The following PTPRT variants were observed in gnomAD, a reference collection of about 807,000 sequenced individuals.
PTPRT encodes the protein receptor-type tyrosine-protein phosphatase T.
PTPRT carries 56 observed loss-of-function variants against 176.8 expected under a neutral mutation model. The ratio of observed to expected loss-of-function variants is 0.32; its 90% CI spans 0.26 to 0.40. PTPRT has a LOEUF of 0.40. PTPRT is among the 10% of genes least tolerant of loss of function. The pLI is 1.00. For missense variants in PTPRT, 1,540 were observed against 1,908.2 expected (o/e 0.81, Z 3.60); for synonymous variants, 783 against 739.0 (o/e 1.06, Z -0.96).
chr20:43,129,330 G>C (rs1333307623), intron 1 of PTPRT, among the ~76,000 whole-genome samples: 1 of 152,192 alleles, frequency 6.6e-6, no homozygotes. Context: ...ACCAAGCCAC[G>C]AGGACAAGAG....
At chr20:42,466,017 C>T (rs1372226989) in intron 8 of PTPRT, among the ~76,000 whole-genome samples, 4 of 152,162 alleles carry the variant, frequency 2.6e-5, no homozygotes, top group East Asian at 1.9e-4. Context: ...CAAGTGAGAA[C>T]GTGCAGTGTT....
At chr20:42,779,155 C>A (rs1600728013) in intron 4 of PTPRT, among the ~76,000 whole-genome samples, 1 of 152,226 alleles carries the variant, frequency 6.6e-6, no homozygotes, top group South Asian at 2.1e-4. Context: ...ATTTGAGGGT[C>A]TGACAAATTC....
At chr20:43,005,451 C>T (rs547651928) in intron 1 of PTPRT, among the ~76,000 whole-genome samples, 11 of 152,258 alleles carry the variant, frequency 7.2e-5, no homozygotes, top group African/African-American at 2.6e-4. Flanking sequence ...CTTTTCTGTC[C>T]TTCAAGTTTC....
chr20:42,486,553 A>C (rs2071467476), intron 7 of PTPRT, among the ~76,000 whole-genome samples: 1 of 152,170 alleles, frequency 6.6e-6, no homozygotes, highest in Non-Finnish European at 1.5e-5. Context: ...GTAGGGTTTA[A>C]ATAAAATTAT....
intron 15 of PTPRT, among the ~76,000 whole-genome samples, chr20:42,230,184 A>G (rs373647685): frequency 6.6e-6 from 1 of 152,160 alleles, no homozygotes; most frequent in East Asian, 1.9e-4. Flanking sequence ...GAGATGGAGG[A>G]GATCAGAAGG....
intron 7 of PTPRT, among the ~76,000 whole-genome samples, chr20:42,616,479 G>T (rs374179697): frequency 2.4e-4 from 31 of 127,822 alleles, no homozygotes; most frequent in East Asian, 2.2e-3. Context: ...GTGAAGAAAG[G>T]CATTGGTAGC....
chr20:43,015,899 C>T (rs748262354), intron 1 of PTPRT, among the ~76,000 whole-genome samples: 7 of 148,726 alleles, frequency 4.7e-5, no homozygotes, highest in Non-Finnish European at 7.4e-5. Context: ...GATTATGCCC[C>T]AATCAGAAAG....
intron 7 of PTPRT, among the ~76,000 whole-genome samples, chr20:42,485,231 T>G (rs1179356828): frequency 6.6e-6 from 1 of 152,132 alleles, no homozygotes; most frequent in Non-Finnish European, 1.5e-5. Context: ...AAAGGAGAAG[T>G]CAAACCCATA....
chr20:42,068,285 T>C (rs1481230678), downstream of PTPRT, among the ~76,000 whole-genome samples: 1 of 152,214 alleles, frequency 6.6e-6, no homozygotes, highest in Non-Finnish European at 1.5e-5. Flanking sequence ...ATATGAAATC[T>C]GAAGAAGCAT....
At chr20:42,956,342 T>A (rs1981633804) in intron 1 of PTPRT, among the ~76,000 whole-genome samples, 1 of 152,144 alleles carries the variant, frequency 6.6e-6, no homozygotes, top group African/African-American at 2.4e-5. Context: ...CTCGCAATAG[T>A]GATTGAGCTC....
intron 1 of PTPRT, among the ~76,000 whole-genome samples, chr20:43,025,992 T>C (rs2146187135): frequency 6.6e-6 from 1 of 152,322 alleles, no homozygotes; most frequent in Admixed American, 6.5e-5. Flanking sequence ...TGTTTAGGTC[T>C]TTAGTGCAGT....
At chr20:42,155,122 A>C (rs1989297580) in intron 17 of PTPRT, among the ~76,000 whole-genome samples, 1 of 152,172 alleles carries the variant, frequency 6.6e-6, no homozygotes, top group South Asian at 2.1e-4. Flanking sequence ...TCCCACCCCC[A>C]GTGATTCTGA....
At chr20:42,133,028 T>C (rs1311126610) in intron 18 of PTPRT, among the ~76,000 whole-genome samples, 1 of 152,240 alleles carries the variant, frequency 6.6e-6, no homozygotes, top group African/African-American at 2.4e-5. Flanking sequence ...CAAAGCAACA[T>C]GCATTCAGTA....
intron 21 of PTPRT, among the ~76,000 whole-genome samples, chr20:42,115,852 G>C (rs1035908242): frequency 6.6e-6 from 1 of 152,128 alleles, no homozygotes; most frequent in African/African-American, 2.4e-5. Flanking sequence ...GTGGCAGTTG[G>C]GGGTCTGGAA....
At chr20:42,792,182 C>G (rs1381386099) in intron 2 of PTPRT, among the ~76,000 whole-genome samples, 1 of 152,158 alleles carries the variant, frequency 6.6e-6, no homozygotes, top group East Asian at 1.9e-4. Context: ...GCCATGCCAC[C>G]CCTGCAGCTG....
chr20:42,110,374 G>A lies in PTPRT; in HGVS notation c.3213C>T (p.Phe1071=), dbSNP rs1986900234. The change falls in exon 23 of 31, where the codon TTC becomes TTT. Residue 1071 remains phenylalanine, a synonymous_variant. Transcript: ENST00000373187. Reference sequence around the variant, plus strand: ...TGGGCCCAGCTTCCGGGGGGTTGAGGAACTTGACCTGGCGGACGAAGCCCA... The same window carrying A: ...TGGGCCCAGCTTCCGGGGGGTTGAGAAACTTGACCTGGCGGACGAAGCCCA... ...GLLGFVRQVK[F]LNPPEAGPIV... is the part of the protein sequence containing the mutation. 1 of 1,612,748 alleles carries A rather than the reference G, an allele frequency of 6.2e-7. No individual in the cohort carries two copies. The highest frequency in any genetic ancestry group is 8.5e-7 in the Non-Finnish European group (1 of 1,179,056).
At position 42,352,210 on chromosome 20, in the gene PTPRT, G is replaced by A. The variant is rs752620539; in HGVS notation, c.1636C>T (p.Arg546Trp). Residue 546 changes from arginine to tryptophan, a missense_variant, in exon 10 of 31, where the codon CGG (arginine) becomes TGG (tryptophan). Arg to Trp is a moderately radical substitution (Grantham distance 101, BLOSUM62 -3). Transcript: ENST00000373187. ...ACAAAGAGGTGGTGGGTTTCATTCC[G>A]GAGCTTGAACACTTTCCCCCTCTGG... ...SSQRGKVFKL[R>W]NETHHLFVGL... 69 of 1,614,032 alleles carry A rather than the reference G, an allele frequency of 4.3e-5. No individual in the cohort carries two copies. The highest frequency in any genetic ancestry group is 6.7e-5 in the East Asian group (3 of 44,886).
At chr20:43,082,280 GT>G (rs2011465055) in intron 1 of PTPRT, among the ~76,000 whole-genome samples, 1 of 132,616 alleles carries the variant, frequency 7.5e-6, no homozygotes, top group African/African-American at 3.0e-5. Context: ...CCTATTTTGT[GT>G]TTTCTATTTA....
intron 2 of PTPRT, among the ~76,000 whole-genome samples, chr20:42,867,566 G>T (rs2078769049): frequency 6.6e-6 from 1 of 151,670 alleles, no homozygotes; most frequent in African/African-American, 2.4e-5. Flanking sequence ...CTTCACCAAT[G>T]ACAGAGGCAA....
Sources: allele counts gnomAD v4.1 joint callset (sites outside exome capture counted in the v4.1 genomes callset), GRCh38; gene constraint gnomAD v4.1.1; transcripts MANE v1.5; gene names NCBI Gene and HGNC (gene_info 2026-07-23, HGNC 2026-07-21).